Variants in NCAM1 observed in about 807,000 individuals in gnomAD.
NCAM1 encodes neural cell adhesion molecule 1.
In NCAM1, 14 loss-of-function variants were observed where a neutral mutation model predicts 109.8. The observed-to-expected ratio is 0.13, with a 90% CI of 0.08 to 0.20. The LOEUF is 0.20. Ranked by LOEUF, NCAM1 falls within the 10% of genes least tolerant of loss-of-function variation. The pLI, the probability that NCAM1 is intolerant of heterozygous loss-of-function variation, is 1.00. For synonymous variants in NCAM1, 418 were observed against 442.9 expected (o/e 0.94, Z 0.70); for missense variants, 774 against 1,109.9 (o/e 0.70, Z 4.30).
chr11:113,235,583 G>A (rs1305931731), intron 14 of NCAM1, among the ~76,000 whole-genome samples: 2 of 152,164 alleles, frequency 1.3e-5, no homozygotes, highest in Admixed American at 6.5e-5. Flanking sequence ...AATGCATTGC[G>A]GGATCTTTGA....
chr11:113,212,309 C>T (rs1274006493), intron 7 of NCAM1, among the ~76,000 whole-genome samples: 1 of 152,162 alleles, frequency 6.6e-6, no homozygotes, highest in African/African-American at 2.4e-5. Flanking sequence ...TCCCACAGCA[C>T]TCTGTAGACT....
In NCAM1 at chr11:113,252,799, C is replaced by CTTTTTTT. The variant is rs33948720; in HGVS notation, c.1829-3053_1829-3047dup. Among the ~76,000 whole-genome samples the CTTTTTTT allele has an allele frequency of 3.1e-3, 125 of 39,710 alleles. 27 individuals are homozygous for CTTTTTTT. Among genetic ancestry groups the CTTTTTTT allele is most frequent in the Non-Finnish European group, 4.6e-3 (106 of 23,106 alleles). The allele number at this position is 39,710 out of a possible 152,430, so 26.1% of individuals were successfully genotyped here. A position where few individuals can be genotyped will look rare whatever the true frequency, so the allele number is the denominator to read the frequency against. On this transcript the variant is annotated intron_variant, in intron 15 of 19. Transcript: ENST00000316851. ...TACAGGCACATGCCACTATGCCCAGCTTTTTTTTTTTTTTTTTTTTTTTTT... is the reference window on the plus strand; with the variant it reads ...TACAGGCACATGCCACTATGCCCAGCTTTTTTTTTTTTTTTTTTTTTTTTTTTTTTTT...
intron 1 of NCAM1, among the ~76,000 whole-genome samples, chr11:112,980,158 C>T (rs1166256265): frequency 2.0e-5 from 3 of 151,822 alleles, no homozygotes; most frequent in Admixed American, 6.6e-5. Flanking sequence ...ACTTCACACC[C>T]GCTAGGATGG....
At chr11:113,062,134 T>C (rs781794189) in intron 1 of NCAM1, among the ~76,000 whole-genome samples, 17 of 152,240 alleles carry the variant, frequency 1.1e-4, no homozygotes, top group Non-Finnish European at 2.4e-4. Flanking sequence ...ACATAAAATT[T>C]ACCACTAGCG....
intron 1 of NCAM1, among the ~76,000 whole-genome samples, chr11:112,978,905 G>T (rs1951076332): frequency 6.6e-6 from 1 of 151,838 alleles, no homozygotes; most frequent in South Asian, 2.1e-4. Context: ...TGAGTTAAAA[G>T]GTTTCATACA....
At chr11:113,023,386 A>C (rs1245463389) in intron 1 of NCAM1, among the ~76,000 whole-genome samples, 1 of 152,216 alleles carries the variant, frequency 6.6e-6, no homozygotes, top group African/African-American at 2.4e-5. Flanking sequence ...CAGCTCCGTG[A>C]CTTTTATAGC....
chr11:112,971,739 T>C (rs1429152352), intron 1 of NCAM1, among the ~76,000 whole-genome samples: 1 of 152,136 alleles, frequency 6.6e-6, no homozygotes, highest in Non-Finnish European at 1.5e-5. Context: ...AGGTAGCATC[T>C]ACAGCCAAAA....
At chr11:113,252,954 A>G (rs369486705) in intron 15 of NCAM1, among the ~76,000 whole-genome samples, 1 of 151,548 alleles carries the variant, frequency 6.6e-6, no homozygotes, top group East Asian at 1.9e-4. Context: ...ACCAGCCAAT[A>G]TTATTATTTA....
chr11:113,191,897 G>T (rs1555109956), intron 1 of NCAM1, among the ~76,000 whole-genome samples: 1 of 152,172 alleles, frequency 6.6e-6, no homozygotes, highest in African/African-American at 2.4e-5. Context: ...TAGCCCAGAT[G>T]TGCTTAAAGC....
intron 1 of NCAM1, among the ~76,000 whole-genome samples, chr11:112,983,884 AT>A (rs1951222082): frequency 6.6e-6 from 1 of 152,008 alleles, no homozygotes; most frequent in African/African-American, 2.4e-5. Flanking sequence ...TTATGTATGT[AT>A]GTATGTATTT....
intron 1 of NCAM1, among the ~76,000 whole-genome samples, chr11:112,992,031 A>C (rs782107979): frequency 2.4e-4 from 36 of 152,252 alleles, no homozygotes; most frequent in Admixed American, 6.5e-5. Flanking sequence ...GTAATTATGA[A>C]TATCTCTTGA....
Position 113,187,050 on chromosome 11 carries a change from G to A in NCAM1, c.53-15329G>A, listed in dbSNP as rs541037933. 2.6e-5 allele frequency among the ~76,000 whole-genome samples: 4 copies of A among 152,304 alleles called. No individual in the cohort carries two copies. The East Asian group carries it at 7.7e-4, about 29-fold the overall frequency. On this transcript the variant is annotated intron_variant, in intron 1 of 19. Transcript: ENST00000316851. ...CCTTTCTTGACTAATTCTCACCTTT[G>A]CAGGTTTGCCTCTTGCAACTGGTAT...
chr11:113,035,552 G>A (rs191160692), intron 1 of NCAM1, among the ~76,000 whole-genome samples: 275 of 152,180 alleles, frequency 1.8e-3, no homozygotes, highest in South Asian at 8.1e-3. Flanking sequence ...TCTTTTTTAA[G>A]AGCCCGCCAC....
chr11:113,243,622 T>C (rs1555119544), intron 14 of NCAM1: 1 of 518,386 alleles, frequency 1.9e-6, no homozygotes. Context: ...TGAAGTAAGA[T>C]GTGTGTGGAG....
intron 14 of NCAM1, chr11:113,240,917 C>T (rs1208465465): frequency 1.5e-6 from 2 of 1,338,890 alleles, no homozygotes; most frequent in Non-Finnish European, 2.1e-6. Context: ...ATCTCCTTCA[C>T]CAGGTGATAA....
At chr11:113,179,754 A>G (rs1168928003) in intron 1 of NCAM1, among the ~76,000 whole-genome samples, 1 of 152,238 alleles carries the variant, frequency 6.6e-6, no homozygotes, top group Non-Finnish European at 1.5e-5. Context: ...ATTGCTAGAG[A>G]TAAGAGGATG....
chr11:113,150,123 AT>A (rs1942173686), intron 1 of NCAM1, among the ~76,000 whole-genome samples: 1 of 152,250 alleles, frequency 6.6e-6, no homozygotes, highest in South Asian at 2.1e-4. Context: ...AAATAAAAAA[AT>A]AAATAAACAT....
intron 1 of NCAM1, among the ~76,000 whole-genome samples, chr11:113,023,928 A>G (rs188645220): frequency 1.8e-3 from 280 of 152,296 alleles, no homozygotes; most frequent in South Asian, 8.3e-3. Context: ...AAAAAGGAAA[A>G]AAAAATGGTA....
At chr11:113,237,941 TATATATAG>T (rs782784906) in intron 14 of NCAM1, among the ~76,000 whole-genome samples, 1 of 21,440 alleles carries the variant, frequency 4.7e-5, no homozygotes, top group African/African-American at 1.0e-4. Flanking sequence ...TATATAGATA[TATATATAG>T]ATATATAGAT....
Sources: allele counts gnomAD v4.1 joint callset (sites outside exome capture counted in the v4.1 genomes callset), GRCh38; gene constraint gnomAD v4.1.1; transcripts MANE v1.5; gene names NCBI Gene and HGNC (gene_info 2026-07-23, HGNC 2026-07-21).